The following PPL variants were observed in gnomAD, a reference collection of about 807,000 sequenced individuals.
PPL encodes 190 kDa paraneoplastic pemphigus antigen.
PPL carries 198 observed loss-of-function variants against 194.4 expected under a neutral mutation model. That is an observed-to-expected ratio of 1.02 (90% CI 0.91 to 1.15). The LOEUF is 1.15. Among genes scored for constraint, PPL ranks in the 50% most tolerant of loss-of-function variants. The pLI is 0.00. For missense variants in PPL, 2,885 were observed against 2,294.8 expected, an observed-to-expected ratio of 1.26 and a Z score of -5.25; for synonymous variants, 1,220 against 972.4, an observed-to-expected ratio of 1.25 and a Z score of -4.74.
Position 4,884,494 on chromosome 16 carries a change from T to C in PPL, c.4161A>G (p.Ala1387=). 2 of 1,607,504 alleles carry C rather than the reference T, an allele frequency of 1.2e-6. No individual in the cohort carries two copies. The highest frequency in any genetic ancestry group is 2.2e-5 in the East Asian group (1 of 44,858). Residue 1387 remains alanine, a synonymous_variant, in exon 22 of 22, where the codon GCA becomes GCG. Transcript: ENST00000345988. The surrounding 1 kb of genome is among the most constrained non-coding windows in gnomAD (Gnocchi z 5.7). ...GCCGGCGCTGCAGCCGCCGCAGCTC[T>C]GCCCGCAGCTTGTCAATCTGCCGCA... The part of the protein sequence containing the change: ...VELRQIDKLR[A]ELRRLQRRRT...
chr16:4,901,134 G>C, intron 4 of PPL, 45 bp from the exon 5 acceptor site: 1 of 1,604,194 alleles, frequency 6.2e-7, no homozygotes, highest in South Asian at 1.1e-5. Flanking sequence ...GTGGGCTGAG[G>C]GCTGGGGACG....
chr16:4,884,269 G>A lies in PPL; in HGVS notation c.4386C>T (p.Leu1462=), dbSNP rs144249104. The A allele has an allele frequency of 2.6e-4, 419 of 1,613,012 alleles. 3 individuals carry two copies. The African/African-American group carries it at 5.2e-3, about 20-fold the overall frequency. ...GCTGCTCTTCTTCCAGCTGGAGTCG[G>A]AGCAGGGCATGCTCTCGCGCCTGCT... The part of the protein sequence containing the change: ...DPQQAREHAL[L]RLQLEEEQHR... The change falls in exon 22 of 22, where the codon CTC becomes CTT. Residue 1462 remains leucine (L), a synonymous_variant. Transcript: ENST00000345988. The surrounding 1 kb of genome is among the most constrained non-coding windows in gnomAD (Gnocchi z 5.7).
rs1161278621 is a variant in PPL at position 4,890,784 on chromosome 16, G to C, written c.2106C>G (p.Ala702=). 6.2e-7 allele frequency: 1 copy of C among 1,607,886 alleles called. No individual in the cohort carries two copies. The highest frequency in any genetic ancestry group is 1.1e-5 in the South Asian group (1 of 90,028). Reference sequence around the variant, plus strand: ...AACGCTGGCCCAGCTTGTGCACCTCGGCCTCCTGGCGCTCCAGGTCCGGAC... The same window carrying C: ...AACGCTGGCCCAGCTTGTGCACCTCCGCCTCCTGGCGCTCCAGGTCCGGAC... ...EHCPDLERQE[A]EVHKLGQRFN... Residue 702 remains alanine, a synonymous_variant, in exon 17 of 22, where the codon GCC becomes GCG. Transcript: ENST00000345988.
At chr16:4,892,708 G>C (rs1242048025) in intron 14 of PPL, 2 of 162,766 alleles carry the variant, frequency 1.2e-5, no homozygotes, top group East Asian at 3.7e-4. Context: ...CTGTAAAATT[G>C]GAGTGCTACT....
rs2088130025 is a variant in PPL, at chr16:4,883,069, T to G, written c.*315A>C. 2 of 336,134 alleles carry G rather than the reference T, an allele frequency of 6.0e-6. No homozygotes were observed. Among genetic ancestry groups the G allele is most frequent in the Non-Finnish European group, 1.1e-5 (2 of 179,316 alleles). The allele number at this position is 336,134 out of a possible 1,614,324, so 20.8% of individuals were successfully genotyped here. On this transcript the variant is annotated 3_prime_UTR_variant, in exon 22 of 22. Transcript: ENST00000345988. This position sits in a 1 kb window ranked among gnomAD's most constrained non-coding sequence, Gnocchi z 4.8. ...TGGTTGGCTTGTCCTTCAGTGGTTT[T>G]CAGATTGTGTGCAGTTATCATGAGG...
rs1191243463 is a variant in PPL at position 4,895,630 on chromosome 16, G to A, written c.1059C>T (p.Asp353=). 1 of 1,614,062 alleles carries A rather than the reference G, an allele frequency of 6.2e-7. No homozygotes were observed. Among genetic ancestry groups the A allele is most frequent in the South Asian group, 1.1e-5 (1 of 91,086 alleles). The change falls in exon 10 of 22, where the codon GAC becomes GAT. Residue 353 remains aspartate, a synonymous_variant. Transcript: ENST00000345988. The part of the protein sequence containing the change: ...LNQKYGPDFK[D]RYQIELLLRE... Reference sequence around the variant, plus strand: ...GCAGCAGCAGCTCAATCTGGTACCGGTCCTTGAAGTCAGGGCCATACTTCT... The same window carrying A: ...GCAGCAGCAGCTCAATCTGGTACCGATCCTTGAAGTCAGGGCCATACTTCT...
intron 2 of PPL, among the ~76,000 whole-genome samples, chr16:4,905,892 C>T (rs1224823197): frequency 2.0e-5 from 3 of 152,102 alleles, no homozygotes; most frequent in Non-Finnish European, 2.9e-5. Flanking sequence ...ATGGCTTGAG[C>T]CCAGGAGTGC....
intron 2 of PPL, among the ~76,000 whole-genome samples, chr16:4,909,084 G>GGTGGAGGCCCAGGGGGGC (rs1380832313): frequency 1.3e-5 from 2 of 152,178 alleles, no homozygotes; most frequent in Non-Finnish European, 2.9e-5. Context: ...GGAGGCAGGA[G>GGTGGAGGCCCAGGGGGGC]GTGGAGGCCC....
chr16:4,887,519 C>T (rs1330777972), intron 20 of PPL, among the ~76,000 whole-genome samples: 6 of 152,182 alleles, frequency 3.9e-5, no homozygotes. Context: ...CTAATATCAG[C>T]CCTCCACTGT....
At chr16:4,889,241 G>GTTGTTTTTT (rs2088274147) in intron 18 of PPL, among the ~76,000 whole-genome samples, 180 bp from the exon 19 acceptor site, 2 of 66,634 alleles carry the variant, frequency 3.0e-5, no homozygotes, top group South Asian at 5.9e-4. Flanking sequence ...TGTTGTTGTT[G>GTTGTTTTTT]TTTTTTTTTT....
intron 20 of PPL, among the ~76,000 whole-genome samples, chr16:4,887,750 G>C (rs533386079): frequency 1.3e-5 from 2 of 152,102 alleles, no homozygotes; most frequent in Non-Finnish European, 2.9e-5. Context: ...CTACAGGTTT[G>C]CACCACCACG....
rs2089311296 is a variant in PPL, at chr16:4,937,144, G to A, written c.-99C>T. ...GAGCGAGCGGCGGCGCGGGGAGCCC[G>A]GACTGCGGCGCGGCAGTGGCTCCGG... On this transcript the variant is annotated 5_prime_UTR_variant, in exon 1 of 22. Coordinates refer to ENST00000345988, the MANE Select transcript of PPL (RefSeq NM_002705.5). The A allele has an allele frequency of 2.2e-5, 18 of 816,844 alleles. No individual in the cohort carries two copies. Among genetic ancestry groups the A allele is most frequent in the South Asian group, 1.1e-4 (2 of 18,400 alleles). The allele number at this position is 816,844 out of a possible 1,614,324, so 50.6% of individuals were successfully genotyped here.
chr16:4,887,248 A>G, intron 20 of PPL, 21 bp from the exon 21 acceptor site: 1 of 1,584,478 alleles, frequency 6.3e-7, no homozygotes, highest in South Asian at 1.1e-5. Context: ...GAGGATTAGG[A>G]GAGCGGTCAA....
chr16:4,891,992 CCT>C (rs771248519), intron 15 of PPL, 41 bp downstream of exon 15: 40 of 1,610,904 alleles, frequency 2.5e-5, no homozygotes, highest in South Asian at 1.1e-4. Context: ...CACCTGGCCC[CCT>C]GACCCCACCC....
chr16:4,918,823 G>A (rs2088979011), intron 1 of PPL, among the ~76,000 whole-genome samples: 1 of 152,164 alleles, frequency 6.6e-6, no homozygotes, highest in Non-Finnish European at 1.5e-5. Flanking sequence ...CCCATGCTAG[G>A]AAGCCAGCAG....
Position 4,899,245 on chromosome 16 carries a change from G to T in PPL, c.746C>A (p.Pro249His). 19 of 1,613,930 alleles carry T rather than the reference G, an allele frequency of 1.2e-5. No homozygotes were observed. Among genetic ancestry groups the T allele is most frequent in the Non-Finnish European group, 1.5e-5 (18 of 1,179,966 alleles). ...CACCTCATACTGGCGCCGGCGGCTG[G>T]GGTAGTCGAGGTTGCGGTCACTCCA... Reference protein sequence around the residue: ...YDWSDRNLDYPSRRRQYENFI... With the variant: ...YDWSDRNLDYHSRRRQYENFI... Residue 249 changes from proline (P) to histidine (H), a missense_variant, in exon 7 of 22, where the codon CCC becomes CAC. By Grantham distance (77) the Pro-to-His change is moderately conservative. Coordinates refer to ENST00000345988, the MANE Select transcript of PPL (RefSeq NM_002705.5).
In PPL at chr16:4,885,700, G is replaced by A. The variant is rs768419804; in HGVS notation, c.2955C>T (p.Thr985=). 5.5e-5 allele frequency: 89 copies of A among 1,613,064 alleles called. No homozygotes were observed. Among genetic ancestry groups the A allele is most frequent in the Non-Finnish European group, 6.9e-5 (82 of 1,179,880 alleles). ...CCACGTACTCCTGCCCCCCGTCTCT[G>A]GTCTCCTGCTCCAGGGCACGCAGCT... ...QLQLRALEQE[T]RDGGQEYVVK... Residue 985 remains threonine, a synonymous_variant, in exon 22 of 22, where the codon ACC becomes ACT. Transcript: ENST00000345988. The surrounding 1 kb of genome is among the most constrained non-coding windows in gnomAD (Gnocchi z 6.3).
intron 11 of PPL, 62 bp from the exon 12 acceptor site, chr16:4,894,680 T>C (rs1486301174): frequency 2.5e-6 from 4 of 1,575,558 alleles, no homozygotes; most frequent in Non-Finnish European, 3.4e-6. Flanking sequence ...GGAGCCCGGT[T>C]GCCATCTCAG....
chr16:4,901,167 G>A (rs2088561312), intron 4 of PPL, 78 bp from the exon 5 acceptor site: 2 of 1,518,592 alleles, frequency 1.3e-6, no homozygotes, highest in Middle Eastern at 1.8e-4. Context: ...AGGAGCCTCG[G>A]GGGTGGGCAT....
Sources: gnomAD v4.1 joint callset for allele counts (sites outside exome capture counted in the v4.1 genomes callset) on GRCh38, gnomAD v4.1.1 for gene constraint, Gnocchi (gnomAD v3.1) non-coding constraint, MANE v1.5 for transcripts, NCBI Gene and HGNC (gene_info 2026-07-23, HGNC 2026-07-21) for gene names.